Variants in ENAH observed in about 807,000 individuals in gnomAD.
ENAH encodes protein enabled homolog.
Under a neutral mutation model 78.7 loss-of-function variants are expected in ENAH, and 23 were observed. That is an observed-to-expected ratio of 0.29 (90% confidence interval 0.21 to 0.41). The LOEUF (loss-of-function observed/expected upper bound fraction) is 0.41. Among genes scored for constraint, ENAH ranks in the 10% least tolerant of loss-of-function variants. The pLI is 1.00. For synonymous variants in ENAH, 226 were observed against 241.0 expected, an observed-to-expected ratio of 0.94 and a Z score of 0.58; for missense variants, 544 against 691.0, an observed-to-expected ratio of 0.79 and a Z score of 2.39.
rs1212719418 is a variant in ENAH, at chr1:225,492,389, T to A, written c.*5386A>T. The A allele has an allele frequency of 6.6e-6, 1 of 152,182 alleles. No individual in the cohort carries two copies. Among genetic ancestry groups the A allele is most frequent in the African/African-American group, 2.4e-5 (1 of 41,438 alleles). 9.4% of individuals were successfully genotyped at this position (152,182 alleles called of 1,614,324 possible). On this transcript the variant is annotated 3_prime_UTR_variant, in exon 14 of 14. Coordinates refer to ENST00000366843, the MANE Select transcript of ENAH (RefSeq NM_018212.6). The stretch of plus-strand genomic sequence containing the variant: ...TGTCCTAACTACTAGGAATTATATG[T>A]CTTTAAAAACTGAGGAAAAAGAACA...
At chr1:225,634,277 T>C (rs776191371) in intron 1 of ENAH, among the ~76,000 whole-genome samples, 1 of 152,092 alleles carries the variant, frequency 6.6e-6, no homozygotes, top group Non-Finnish European at 1.5e-5. Context: ...ACTTAAAGCA[T>C]TTAAGAGTTT....
chr1:225,568,935 T>C (rs1428777438), intron 1 of ENAH, among the ~76,000 whole-genome samples: 3 of 152,200 alleles, frequency 2.0e-5, no homozygotes, highest in East Asian at 1.9e-4. Context: ...GCAAACCCAA[T>C]GGTAATGTCT....
rs541780612 is a variant in ENAH at position 225,638,989 on chromosome 1, T to C, written c.5+13697A>G. 4.6e-5 allele frequency among the ~76,000 whole-genome samples: 7 copies of C among 152,328 alleles called. No individual in the cohort carries two copies. In the South Asian group the frequency reaches 6.2e-4, roughly 14 times the overall value. On this transcript the variant is annotated intron_variant, in intron 1 of 13. Transcript: ENST00000366843. ...TTAAACATCCCTCCCAAAGCAGCAT[T>C]AGCCTCTATGTCAGGCCATTTCACC...
chr1:225,538,597 A>G (rs2096573859), intron 3 of ENAH, among the ~76,000 whole-genome samples: 1 of 98,286 alleles, frequency 1.0e-5, no homozygotes, highest in Admixed American at 1.2e-4. Flanking sequence ...GCAAAACTGT[A>G]TATATGATTG....
chr1:225,520,635 T>C (rs555865256), intron 4 of ENAH, among the ~76,000 whole-genome samples: 170 of 151,928 alleles, frequency 1.1e-3, no homozygotes, highest in African/African-American at 3.3e-3. Context: ...AGTGGGAGGA[T>C]TGTCTGAACC....
At chr1:225,512,562 A>T in intron 9 of ENAH, 95 bp downstream of exon 9, 1 of 1,272,740 alleles carries the variant, frequency 7.9e-7, no homozygotes, top group Non-Finnish European at 1.1e-6. Context: ...CAAACTAATT[A>T]AGCCCAAATT....
At chr1:225,614,024 A>G (rs926000168) in intron 1 of ENAH, among the ~76,000 whole-genome samples, 2 of 152,102 alleles carry the variant, frequency 1.3e-5, no homozygotes, top group African/African-American at 4.8e-5. Flanking sequence ...AGAACTCAGG[A>G]AAACACTTTA....
chr1:225,569,533 C>CA (rs2096750522), intron 1 of ENAH, among the ~76,000 whole-genome samples: 1 of 152,124 alleles, frequency 6.6e-6, no homozygotes, highest in Admixed American at 6.5e-5. Context: ...TAAGCTAAAG[C>CA]AACACCTCAT....
At chr1:225,634,405 T>G (rs1035233072) in intron 1 of ENAH, among the ~76,000 whole-genome samples, 2 of 152,192 alleles carry the variant, frequency 1.3e-5, no homozygotes, top group African/African-American at 4.8e-5. Flanking sequence ...TCTGGCAGTA[T>G]GTAGAGACAT....
At chr1:225,617,115 A>G (rs921518119) in intron 1 of ENAH, among the ~76,000 whole-genome samples, 1 of 151,558 alleles carries the variant, frequency 6.6e-6, no homozygotes, top group African/African-American at 2.4e-5. Flanking sequence ...AAAAAAAAAA[A>G]GATTTGAAGA....
At chr1:225,550,312 C>A (rs1216270915) in intron 3 of ENAH, among the ~76,000 whole-genome samples, 1 of 152,152 alleles carries the variant, frequency 6.6e-6, no homozygotes, top group Non-Finnish European at 1.5e-5. Context: ...CAAGCTGTAT[C>A]CTAATTTTGC....
rs547205324 is a variant in ENAH at position 225,583,817 on chromosome 1, A to AAAG, written c.6-16404_6-16403insCTT. ...GAGCAAACCTCCATCTCAAAAAAAAAAAAAGAAAAGAAAGAAAGAAAAGAA... is the reference window on the plus strand; with the variant it reads ...GAGCAAACCTCCATCTCAAAAAAAAAAAGAAAAGAAAAGAAAGAAAGAAAAGAA... On this transcript the variant is annotated intron_variant, in intron 1 of 13. Transcript: ENST00000366843. Among the ~76,000 whole-genome samples, 345 of 151,856 alleles carry AAAG rather than the reference A, an allele frequency of 2.3e-3. 1 individual carries two copies. The highest frequency in any genetic ancestry group is 7.7e-3 in the African/African-American group (318 of 41,428).
At chr1:225,592,328 A>G (rs1485863732) in intron 1 of ENAH, among the ~76,000 whole-genome samples, 3 of 152,188 alleles carry the variant, frequency 2.0e-5, no homozygotes, top group African/African-American at 7.2e-5. Flanking sequence ...CCAGTCTGAT[A>G]TGTGGGGAGT....
chr1:225,521,835 G>A (rs1008702103), intron 4 of ENAH, among the ~76,000 whole-genome samples: 10 of 150,116 alleles, frequency 6.7e-5, no homozygotes, highest in South Asian at 2.1e-4. Context: ...TTGCTCTGTC[G>A]CCCAGGCTGG....
At chr1:225,594,341 G>GTC (rs2096892267) in intron 1 of ENAH, among the ~76,000 whole-genome samples, 1 of 152,180 alleles carries the variant, frequency 6.6e-6, no homozygotes, top group Non-Finnish European at 1.5e-5. Context: ...TGGGGCAACA[G>GTC]TCTCTCTTCT....
In ENAH at chr1:225,554,883, C is replaced by T. The variant is rs757126557; in HGVS notation, c.349+23G>A. 2.7e-6 allele frequency: 4 copies of T among 1,464,752 alleles called. No homozygotes were observed. The African/African-American group carries it at 4.1e-5, about 15-fold the overall frequency. The allele number at this position is 1,464,752 out of a possible 1,614,324, so 90.7% of individuals were successfully genotyped here. A position where few individuals can be genotyped will look rare whatever the true frequency, so the allele number is the denominator to read the frequency against. The stretch of plus-strand genomic sequence containing the variant: ...TGTCTCTGGAAAAAGAAAGAAAATA[C>T]AAATAAACCATGGGCACCTTACCTG... On this transcript the variant is annotated intron_variant, in intron 3 of 13. Transcript: ENST00000366843.
chr1:225,529,336 C>A lies in ENAH; in HGVS notation c.434+1218G>T, dbSNP rs140547729. On this transcript the variant is annotated intron_variant, in intron 4 of 13. Transcript: ENST00000366843. ...GCATCATCCTTCCTTAAGGCCTCTG[C>A]ACAGAATGCACTTACATAGGTATCT... Among the ~76,000 whole-genome samples, 202 of 152,302 alleles carry A rather than the reference C, an allele frequency of 1.3e-3. 3 individuals carry two copies. The East Asian group carries it at 0.034, about 26-fold the overall frequency.
At chr1:225,588,548 G>A (rs540396972) in intron 1 of ENAH, among the ~76,000 whole-genome samples, 8 of 152,228 alleles carry the variant, frequency 5.3e-5, no homozygotes, top group East Asian at 1.9e-4. Context: ...AGTGGCTCAC[G>A]CCTGTAATCC....
Position 225,514,634 on chromosome 1 carries a change from C to G in ENAH, c.1180G>C (p.Ala394Pro). ...CTAAGTTTTGCTCCGGCAATTGCAG[C>G]TGCAAGTCCAGTTAAAGGGCGATTG... Reference protein sequence around the residue: ...EDNRPLTGLAAAIAGAKLRKV... With the variant: ...EDNRPLTGLAPAIAGAKLRKV... The change falls in exon 7 of 14, where the codon GCT becomes CCT. Residue 394 changes from alanine (A) to proline (P), a missense_variant. Transcript: ENST00000366843. 1 of 1,611,812 alleles carries G rather than the reference C, an allele frequency of 6.2e-7. No homozygotes were observed. The highest frequency in any genetic ancestry group is 1.1e-5 in the South Asian group (1 of 90,962).
Sources: gnomAD v4.1 joint callset for allele counts (sites outside exome capture counted in the v4.1 genomes callset) on GRCh38, gnomAD v4.1.1 for gene constraint, MANE v1.5 for transcripts, NCBI Gene and HGNC (gene_info 2026-07-23, HGNC 2026-07-21) for gene names.